ITPKA: variants seen among roughly 807,000 people sequenced by gnomAD.
ITPKA encodes the protein IP3 3-kinase A.
ITPKA carries 16 observed loss-of-function variants against 40.7 expected under a neutral mutation model. The ratio of observed to expected loss-of-function variants is 0.39; its 90% CI spans 0.27 to 0.60. ITPKA has a LOEUF of 0.60. Among genes scored for constraint, ITPKA ranks in the 20% least tolerant of loss-of-function variants. The pLI is 0.50. For missense variants in ITPKA, 540 were observed against 649.3 expected (o/e 0.83, Z 1.83); for synonymous variants, 313 against 289.9 (o/e 1.08, Z -0.81).
At chr15:41,499,105 C>T (rs2051093107) in intron 1 of ITPKA, among the ~76,000 whole-genome samples, 1 of 152,154 alleles carries the variant, frequency 6.6e-6, no homozygotes, top group Non-Finnish European at 1.5e-5. Context: ...ATGGCACATA[C>T]ATCATCTTCC....
In ITPKA at chr15:41,501,489, C is replaced by T; in HGVS notation, c.516C>T (p.Thr172=). ...AAAACCACTGGCAGAAGATCCGGAC[C>T]ATGGTCAATCTGCCGGTCATAAGCC... is the stretch of plus-strand genomic sequence containing the variant. The part of the protein sequence containing the change: ...GQKNHWQKIR[T]MVNLPVISPF... The change falls in exon 2 of 7, where the codon ACC becomes ACT. Residue 172 remains threonine (T), a synonymous_variant. Transcript: ENST00000260386. 1.2e-6 allele frequency: 2 copies of T among 1,608,250 alleles called. No individual in the cohort carries two copies. The highest frequency in any genetic ancestry group is 1.7e-6 in the Non-Finnish European group (2 of 1,178,614).
intron 3 of ITPKA, 27 bp downstream of exon 3, chr15:41,501,878 G>T: frequency 6.2e-7 from 1 of 1,607,906 alleles, no homozygotes; most frequent in Non-Finnish European, 8.5e-7. Flanking sequence ...AGGTCGGTTG[G>T]GGGGATCAAG....
rs985083697 is a variant in ITPKA at position 41,494,568 on chromosome 15, G to A, written c.489+152G>A. 5 of 530,528 alleles carry A rather than the reference G, an allele frequency of 9.4e-6. No homozygotes were observed. Among genetic ancestry groups the A allele is most frequent in the Non-Finnish European group, 1.2e-5 (4 of 326,658 alleles). 32.9% of individuals were successfully genotyped at this position (530,528 alleles called of 1,614,324 possible). On this transcript the variant is annotated intron_variant, in intron 1 of 6. Transcript: ENST00000260386. The surrounding 1 kb of genome is among the most constrained non-coding windows in gnomAD (Gnocchi z 7.8). ...GGAGGAATCTGGGGGTCAGAGGGAGGCGCCTGGCCGACCTCTCGCCTGGGC... is the reference window on the plus strand; with the variant it reads ...GGAGGAATCTGGGGGTCAGAGGGAGACGCCTGGCCGACCTCTCGCCTGGGC...
intron 1 of ITPKA, among the ~76,000 whole-genome samples, chr15:41,495,750 C>G (rs927318687): frequency 3.9e-5 from 6 of 152,218 alleles, no homozygotes; most frequent in African/African-American, 1.4e-4. Flanking sequence ...CCCGCCTCTT[C>G]GGAAAAGCCT....
At position 41,494,510 on chromosome 15, in the gene ITPKA, C is replaced by G. The variant is rs1014489391; in HGVS notation, c.489+94C>G. The G allele has an allele frequency of 1.2e-6, 1 of 863,354 alleles. No homozygotes were observed. The highest frequency in any genetic ancestry group is 1.6e-6 in the Non-Finnish European group (1 of 607,578). 53.5% of individuals were successfully genotyped at this position (863,354 alleles called of 1,614,324 possible). On this transcript the variant is annotated intron_variant, in intron 1 of 6. Transcript: ENST00000260386. The surrounding 1 kb of genome is among the most constrained non-coding windows in gnomAD (Gnocchi z 7.8). ...CGGAGGACCCGCTCCTGTCCATGCT[C>G]CCTCCAGCGGAAGGTCCTGTTCTCG...
Position 41,503,356 on chromosome 15 carries a change from G to C in ITPKA, c.*190G>C. 1 of 601,266 alleles carries C rather than the reference G, an allele frequency of 1.7e-6. No individual in the cohort carries two copies. The highest frequency in any genetic ancestry group is 3.0e-6 in the Non-Finnish European group (1 of 338,638). The allele number at this position is 601,266 out of a possible 1,614,324, so 37.2% of individuals were successfully genotyped here. ...GGGTTTTGCCCACCCGGGCCCCAGC[G>C]TTCCCAGAGCCAAATGACACTAACT... is the stretch of plus-strand genomic sequence containing the variant. On this transcript the variant is annotated 3_prime_UTR_variant, in exon 7 of 7. Transcript: ENST00000260386.
intron 5 of ITPKA, 85 bp downstream of exon 5, chr15:41,502,588 G>C: frequency 3.1e-6 from 3 of 968,116 alleles, no homozygotes; most frequent in Non-Finnish European, 4.9e-6. Context: ...GCCCTCGGCT[G>C]TGTCCCCACC....
At position 41,503,107 on chromosome 15, in the gene ITPKA, G is replaced by A. The variant is rs370243619; in HGVS notation, c.1327G>A (p.Gly443Ser). ...CTGGGAGGAGGGCAACCGCGAGGACGGCTATTTGCTGGGGCTGGACAATCT... is the reference window on the plus strand; with the variant it reads ...CTGGGAGGAGGGCAACCGCGAGGACAGCTATTTGCTGGGGCTGGACAATCT... ...RPWEEGNRED[G>S]YLLGLDNLIG... Residue 443 changes from glycine (G) to serine (S), a missense_variant, in exon 7 of 7, where the codon GGC (glycine) becomes AGC (serine). Transcript: ENST00000260386. The A allele has an allele frequency of 1.2e-6, 2 of 1,604,478 alleles. No homozygotes were observed. The highest frequency in any genetic ancestry group is 1.7e-6 in the Non-Finnish European group (2 of 1,172,452).
chr15:41,499,124 T>C (rs1258410374), intron 1 of ITPKA, among the ~76,000 whole-genome samples: 2 of 152,232 alleles, frequency 1.3e-5, no homozygotes, highest in Non-Finnish European at 2.9e-5. Context: ...CCTGGAATTT[T>C]ACTTGAGGGT....
chr15:41,501,594 C>T (rs750606150), intron 2 of ITPKA, 35 bp downstream of exon 2: 63 of 1,574,876 alleles, frequency 4.0e-5, no homozygotes, highest in Non-Finnish European at 5.0e-5. Flanking sequence ...GTGCCCGCGA[C>T]GGGAAGGGGC....
At chr15:41,496,110 G>A (rs2051068775) in intron 1 of ITPKA, among the ~76,000 whole-genome samples, 2 of 152,366 alleles carry the variant, frequency 1.3e-5, no homozygotes, top group East Asian at 1.9e-4. Context: ...CCACAGCGGC[G>A]GCAGATAAGC....
At chr15:41,495,401 G>A (rs1236011324) in intron 1 of ITPKA, among the ~76,000 whole-genome samples, 1 of 152,230 alleles carries the variant, frequency 6.6e-6, no homozygotes, top group Admixed American at 6.5e-5. Flanking sequence ...GGTCGGCGCG[G>A]CGGGGCGGGG....
chr15:41,495,736 C>T (rs2051066191), intron 1 of ITPKA, among the ~76,000 whole-genome samples: 1 of 152,368 alleles, frequency 6.6e-6, no homozygotes, highest in South Asian at 2.1e-4. Flanking sequence ...GAGAGGCCCC[C>T]CGCCCCGCCT....
chr15:41,502,704 C>T, intron 5 of ITPKA, 84 bp from the exon 6 acceptor site: 2 of 1,305,796 alleles, frequency 1.5e-6, no homozygotes, highest in Non-Finnish European at 2.1e-6. Context: ...CCAAGCACAG[C>T]GTGGGTCCCG....
chr15:41,495,644 C>T (rs2051065612), intron 1 of ITPKA, among the ~76,000 whole-genome samples: 1 of 152,188 alleles, frequency 6.6e-6, no homozygotes, highest in Non-Finnish European at 1.5e-5. Context: ...CAGCCCCGGA[C>T]CCAGGATCGT....
intron 3 of ITPKA, 25 bp downstream of exon 3, chr15:41,501,876 T>TG (rs775095464): frequency 1.9e-6 from 3 of 1,607,770 alleles, no homozygotes; most frequent in Non-Finnish European, 2.6e-6. Context: ...CCAGGTCGGT[T>TG]GGGGGGATCA....
In ITPKA at chr15:41,494,898, C is replaced by T. The variant is rs1387948848; in HGVS notation, c.489+482C>T. 6.6e-6 allele frequency among the ~76,000 whole-genome samples: 1 copy of T among 152,194 alleles called. No individual in the cohort carries two copies. Among genetic ancestry groups the T allele is most frequent in the Non-Finnish European group, 1.5e-5 (1 of 68,032 alleles). ...GTGGAGCGGCGCTCCAGGCTCTGCT[C>T]GGGAGCCGCTGCCGTCTGCTCCCAG... On this transcript the variant is annotated intron_variant, in intron 1 of 6. Coordinates refer to ENST00000260386, the MANE Select transcript of ITPKA (RefSeq NM_002220.3). This position sits in a 1 kb window ranked among gnomAD's most constrained non-coding sequence, Gnocchi z 7.8.
At position 41,503,478 on chromosome 15, in the gene ITPKA, G is replaced by C; in HGVS notation, c.*312G>C. 2 of 621,376 alleles carry C rather than the reference G, an allele frequency of 3.2e-6. No individual in the cohort carries two copies. Among genetic ancestry groups the C allele is most frequent in the South Asian group, 1.4e-5 (1 of 70,504 alleles). The allele number at this position is 621,376 out of a possible 1,614,324, so 38.5% of individuals were successfully genotyped here. A position where few individuals can be genotyped will look rare whatever the true frequency, so the allele number is the denominator to read the frequency against. The stretch of plus-strand genomic sequence containing the variant: ...GGTGCCAGACCGCGGATTTTATTTA[G>C]CAAGCCCAGACCTTCCGGTCTAACG... On this transcript the variant is annotated 3_prime_UTR_variant, in exon 7 of 7. Coordinates refer to ENST00000260386, the MANE Select transcript of ITPKA (RefSeq NM_002220.3).
rs913049462 is a variant in ITPKA, at chr15:41,494,652, C to T, written c.489+236C>T. Among the ~76,000 whole-genome samples the T allele has an allele frequency of 5.9e-5, 9 of 152,144 alleles. No homozygotes were observed. The highest frequency in any genetic ancestry group is 1.0e-4 in the Non-Finnish European group (7 of 68,002). On this transcript the variant is annotated intron_variant, in intron 1 of 6. Transcript: ENST00000260386. The surrounding 1 kb of genome is among the most constrained non-coding windows in gnomAD (Gnocchi z 7.8). ...CGCTGGCCCTGGGGCGTCTAAGAAG[C>T]GGGGCGAGGAGCAGGCGACCCGCCG...
Sources: allele counts gnomAD v4.1 joint callset (sites outside exome capture counted in the v4.1 genomes callset), GRCh38; gene constraint gnomAD v4.1.1; non-coding constraint Gnocchi (gnomAD v3.1); transcripts MANE v1.5; gene names NCBI Gene and HGNC (gene_info 2026-07-23, HGNC 2026-07-21).